The following ASTN2 variants were observed in gnomAD, a reference collection of about 807,000 sequenced individuals.
ASTN2 encodes astrotactin 2, also known as astrotactin-2.
Under a neutral mutation model 139.8 loss-of-function variants are expected in ASTN2, and 54 were observed. The observed-to-expected ratio is 0.39, with a 90% CI of 0.31 to 0.48. The LOEUF is 0.48. Among genes scored for constraint, ASTN2 ranks in the 20% least tolerant of loss-of-function variants. The probability of loss-of-function intolerance (pLI) is 0.95; values close to 1 mark genes in which losing one functional copy is unlikely to be tolerated. For synonymous variants in ASTN2, 756 were observed against 719.5 expected (o/e 1.05, Z -0.81); for missense variants, 1,565 against 1,725.1 (o/e 0.91, Z 1.64).
intron 10 of ASTN2, among the ~76,000 whole-genome samples, 185 bp downstream of exon 10, chr9:116,975,023 G>A (rs955087946): frequency 2.0e-5 from 3 of 152,144 alleles, no homozygotes; most frequent in East Asian, 1.9e-4. Context: ...GTGTTGAAAC[G>A]TAAGGCATTG....
chr9:117,385,578 TAGG>T (rs1830375220), intron 1 of ASTN2, among the ~76,000 whole-genome samples: 1 of 150,620 alleles, frequency 6.6e-6, no homozygotes, highest in African/African-American at 2.4e-5. Context: ...GATGCAGGAG[TAGG>T]AGGATAGGAA....
chr9:116,924,160 G>A (rs896104779), intron 10 of ASTN2, among the ~76,000 whole-genome samples: 4 of 152,030 alleles, frequency 2.6e-5, no homozygotes, highest in Non-Finnish European at 5.9e-5. Context: ...TATAATCCCA[G>A]CACTTTGGGA....
chr9:117,122,472 C>T (rs1190796826), intron 4 of ASTN2, among the ~76,000 whole-genome samples: 2 of 152,254 alleles, frequency 1.3e-5, no homozygotes, highest in South Asian at 2.1e-4. Flanking sequence ...AAAGGATAAG[C>T]TTATTTTGAG....
At chr9:117,048,719 T>C (rs140861296) in intron 5 of ASTN2, among the ~76,000 whole-genome samples, 4 of 152,290 alleles carry the variant, frequency 2.6e-5, no homozygotes, top group African/African-American at 4.8e-5. Context: ...AATATCTCAT[T>C]ACCTCTTCAA....
At chr9:116,970,949 T>G (rs772809460) in intron 10 of ASTN2, among the ~76,000 whole-genome samples, 1 of 152,230 alleles carries the variant, frequency 6.6e-6, no homozygotes, top group Non-Finnish European at 1.5e-5. Context: ...AGGCCCAGTA[T>G]GCAGTAATAA....
At chr9:116,609,167 A>C (rs1855375558) in intron 19 of ASTN2, among the ~76,000 whole-genome samples, 1 of 151,804 alleles carries the variant, frequency 6.6e-6, no homozygotes, top group African/African-American at 2.4e-5. Flanking sequence ...AAATTGACAA[A>C]ATAATGTCCA....
At chr9:116,822,000 G>T (rs1255575930) in intron 11 of ASTN2, among the ~76,000 whole-genome samples, 2 of 151,960 alleles carry the variant, frequency 1.3e-5, no homozygotes, top group East Asian at 1.9e-4. Flanking sequence ...CCTCCCGCTG[G>T]CATTTCTTGT....
At chr9:116,467,994 A>G (rs979133106) in intron 20 of ASTN2, among the ~76,000 whole-genome samples, 7 of 152,216 alleles carry the variant, frequency 4.6e-5, no homozygotes, top group Admixed American at 4.6e-4. Context: ...CTGGTGCAGA[A>G]CCAAATTTCC....
chr9:117,366,321 A>T (rs907873295), intron 1 of ASTN2, among the ~76,000 whole-genome samples: 3 of 152,114 alleles, frequency 2.0e-5, no homozygotes, highest in African/African-American at 7.2e-5. Context: ...TATATAGGGC[A>T]CTTTCCAATG....
intron 3 of ASTN2, among the ~76,000 whole-genome samples, chr9:117,167,541 C>T (rs540081443): frequency 6.6e-6 from 1 of 152,198 alleles, no homozygotes; most frequent in South Asian, 2.1e-4. Flanking sequence ...TGCATGAACT[C>T]ATAAAACATG....
At chr9:116,537,524 C>T (rs570048880) in intron 19 of ASTN2, among the ~76,000 whole-genome samples, 49 of 152,228 alleles carry the variant, frequency 3.2e-4, no homozygotes, top group African/African-American at 1.1e-3. Context: ...GTGGTAGGAA[C>T]CCTGGGAACT....
intron 2 of ASTN2, among the ~76,000 whole-genome samples, chr9:117,238,305 G>A (rs74947465): frequency 0.017 from 2,513 of 152,172 alleles, 79 homozygotes; most frequent in African/African-American, 0.058. Context: ...CACTCAATGG[G>A]GATAGTGAGA....
At chr9:116,557,037 T>C (rs896884230) in intron 19 of ASTN2, among the ~76,000 whole-genome samples, 1 of 151,182 alleles carries the variant, frequency 6.6e-6, no homozygotes, top group African/African-American at 2.4e-5. Flanking sequence ...CTGGCTAACA[T>C]GGTGAAACCC....
intron 11 of ASTN2, among the ~76,000 whole-genome samples, chr9:116,839,920 G>A (rs1411385952): frequency 1.5e-5 from 2 of 137,342 alleles, no homozygotes; most frequent in African/African-American, 2.7e-5. Flanking sequence ...GGTGTTTCTC[G>A]CAGAGGGGGA....
intron 10 of ASTN2, among the ~76,000 whole-genome samples, chr9:116,948,785 GTTTTTTTTTTT>G (rs58832163): frequency 1.0e-4 from 5 of 49,472 alleles, no homozygotes; most frequent in African/African-American, 4.3e-4. Context: ...ATAATTTGGT[GTTTTTTTTTTT>G]TTTTTTTTTT....
chr9:116,935,769 C>T (rs1440101286), intron 10 of ASTN2, among the ~76,000 whole-genome samples: 1 of 152,048 alleles, frequency 6.6e-6, no homozygotes, highest in Non-Finnish European at 1.5e-5. Flanking sequence ...TTTACATGCT[C>T]CCTCTTGTTT....
At chr9:117,194,743 G>A (rs1588062323) in intron 3 of ASTN2, among the ~76,000 whole-genome samples, 1 of 152,138 alleles carries the variant, frequency 6.6e-6, no homozygotes, top group East Asian at 1.9e-4. Context: ...AGATAAAGCT[G>A]GGTTCAAATT....
At position 117,042,664 on chromosome 9, in the gene ASTN2, A is replaced by T. The variant is rs552112760; in HGVS notation, c.1277-2699T>A. On this transcript the variant is annotated intron_variant, in intron 5 of 22. Coordinates refer to ENST00000313400, the MANE Select transcript of ASTN2 (RefSeq NM_001365068.1). ...ATAAATATAAATAGATAAAATATGT[A>T]TAGTATAAATCTTTTAGCAACTAAA... 3.3e-5 allele frequency among the ~76,000 whole-genome samples: 5 copies of T among 152,122 alleles called. No individual in the cohort carries two copies. In the South Asian group the frequency reaches 1.0e-3, roughly 32 times the overall value.
chr9:117,412,195 T>C (rs4836577), intron 1 of ASTN2, among the ~76,000 whole-genome samples: 1 of 152,128 alleles, frequency 6.6e-6, no homozygotes, highest in African/African-American at 2.4e-5. Flanking sequence ...CAAATCCCCG[T>C]TGAGAGCGCC....
Sources: allele counts gnomAD v4.1 joint callset (sites outside exome capture counted in the v4.1 genomes callset), GRCh38; gene constraint gnomAD v4.1.1; transcripts MANE v1.5; gene names NCBI Gene and HGNC (gene_info 2026-07-23, HGNC 2026-07-21).